The following ITPR2 variants were observed in gnomAD, a reference collection of about 807,000 sequenced individuals.
ITPR2 encodes inositol 1,4,5-trisphosphate-gated calcium channel ITPR2.
ITPR2 carries 207 observed loss-of-function variants against 317.1 expected under a neutral mutation model. That is an observed-to-expected ratio of 0.65 (90% CI 0.58 to 0.73). The LOEUF is 0.73. Ranked by LOEUF, ITPR2 falls within the 30% of genes least tolerant of loss-of-function variation. ITPR2 has a pLI of 0.00. For synonymous variants in ITPR2, 1,156 were observed against 1,149.1 expected (o/e 1.01, Z -0.12); for missense variants, 2,613 against 3,284.0 (o/e 0.80, Z 4.99).
chr12:26,340,376 G>A (rs1938068854), intron 55 of ITPR2, 48 bp from the exon 56 acceptor site: 1 of 1,524,746 alleles, frequency 6.6e-7, no homozygotes, highest in Admixed American at 2.0e-5. Context: ...TATGGAAGGG[G>A]AGAATGTCTA....
chr12:26,352,022 C>T (rs1215472542), intron 55 of ITPR2, among the ~76,000 whole-genome samples: 1 of 152,082 alleles, frequency 6.6e-6, no homozygotes, highest in Non-Finnish European at 1.5e-5. Flanking sequence ...AGGGGGCATT[C>T]GTCCAATGTG....
At chr12:26,502,513 T>C (rs1943092471) in intron 37 of ITPR2, among the ~76,000 whole-genome samples, 1 of 152,202 alleles carries the variant, frequency 6.6e-6, no homozygotes, top group African/African-American at 2.4e-5. Context: ...TGGTACACAG[T>C]ATAAAAACCT....
At chr12:26,638,722 A>C (rs1443041587) in intron 21 of ITPR2, among the ~76,000 whole-genome samples, 2 of 152,214 alleles carry the variant, frequency 1.3e-5, no homozygotes, top group Non-Finnish European at 2.9e-5. Flanking sequence ...ATGTTTCTCA[A>C]ATGCAAAGAT....
At position 26,655,854 on chromosome 12, in the gene ITPR2, TG is replaced by T. The variant is rs772582254; in HGVS notation, c.2445-3del. 1 of 1,604,748 alleles carries T rather than the reference TG, an allele frequency of 6.2e-7. No homozygotes were observed. The highest frequency in any genetic ancestry group is 1.3e-5 in the African/African-American group (1 of 74,532). On this transcript the variant is annotated splice_region_variant and splice_polypyrimidine_tract_variant and intron_variant, in intron 19 of 56. Transcript: ENST00000381340. ...GAAGAGTCTGTTATAGAATCATATC[TG>T]GAAATAGAGAAAGAAGATAACGCAA...
chr12:26,802,065 T>C (rs1211808243), intron 1 of ITPR2, among the ~76,000 whole-genome samples: 1 of 151,970 alleles, frequency 6.6e-6, no homozygotes, highest in African/African-American at 2.4e-5. Flanking sequence ...TTTGGGAAGG[T>C]GAGGTGAGAG....
chr12:26,772,681 G>A lies in ITPR2; in HGVS notation c.163+17476C>T, dbSNP rs535989902. On this transcript the variant is annotated intron_variant, in intron 2 of 56. Coordinates refer to ENST00000381340, the MANE Select transcript of ITPR2 (RefSeq NM_002223.4). ...CATACACTGAATTGCACATGGTACC[G>A]TATGTGCACATGGTGTATATTCGAT... Among the ~76,000 whole-genome samples the A allele has an allele frequency of 1.2e-3, 177 of 150,160 alleles. 2 individuals carry two copies. Among genetic ancestry groups the A allele is most frequent in the African/African-American group, 4.0e-3 (162 of 40,922 alleles).
At chr12:26,464,971 T>C (rs1303779002) in intron 45 of ITPR2, among the ~76,000 whole-genome samples, 2 of 152,158 alleles carry the variant, frequency 1.3e-5, no homozygotes, top group East Asian at 1.9e-4. Context: ...CAAATGCAGA[T>C]CCTGAGCAAG....
rs1385123444 is a variant in ITPR2, at chr12:26,389,936, A to G, written c.7697-2342T>C. 4.6e-5 allele frequency among the ~76,000 whole-genome samples: 7 copies of G among 152,226 alleles called. No homozygotes were observed. In the East Asian group the frequency reaches 1.3e-3, roughly 29 times the overall value. On this transcript the variant is annotated intron_variant, in intron 54 of 56. Coordinates refer to ENST00000381340, the MANE Select transcript of ITPR2 (RefSeq NM_002223.4). The stretch of plus-strand genomic sequence containing the variant: ...TGTGTTTGTCCTCCCACTAGAGTAT[A>G]AGAGCCACCTGGGCAGATATATTTC...
At chr12:26,406,306 G>A (rs1940346663) in intron 52 of ITPR2, among the ~76,000 whole-genome samples, 1 of 151,400 alleles carries the variant, frequency 6.6e-6, no homozygotes, top group Non-Finnish European at 1.5e-5. Context: ...ACATTCGAAT[G>A]ATTTTTACTT....
Position 26,495,264 on chromosome 12 carries a change from A to G in ITPR2, c.5074-4T>C. 1 of 1,422,320 alleles carries G rather than the reference A, an allele frequency of 7.0e-7. No individual in the cohort carries two copies. The allele number at this position is 1,422,320 out of a possible 1,614,324, so 88.1% of individuals were successfully genotyped here. A position where few individuals can be genotyped will look rare whatever the true frequency, so the allele number is the denominator to read the frequency against. ...GTATCTTTCTTAATGTGTTACCCTAATAAGAAGGATAACAAAGAGTTACTG... is the reference window on the plus strand; with the variant it reads ...GTATCTTTCTTAATGTGTTACCCTAGTAAGAAGGATAACAAAGAGTTACTG... On this transcript the variant is annotated splice_polypyrimidine_tract_variant and splice_region_variant and intron_variant, in intron 37 of 56. Transcript: ENST00000381340.
intron 15 of ITPR2, among the ~76,000 whole-genome samples, chr12:26,662,084 C>T (rs902634675): frequency 1.3e-5 from 2 of 152,054 alleles, no homozygotes; most frequent in African/African-American, 4.8e-5. Context: ...TATTCCTTGC[C>T]ATATTATTTA....
At chr12:26,816,955 G>A (rs541945262) in intron 1 of ITPR2, among the ~76,000 whole-genome samples, 13 of 151,966 alleles carry the variant, frequency 8.6e-5, no homozygotes, top group South Asian at 6.3e-4. Context: ...CAAGGTGGGC[G>A]GATCACGAGG....
chr12:26,516,282 G>GA lies in ITPR2; in HGVS notation c.5074-21023dup, dbSNP rs1326010392. Among the ~76,000 whole-genome samples the GA allele has an allele frequency of 1.8e-3, 180 of 97,418 alleles. 3 individuals are homozygous for GA. The highest frequency in any genetic ancestry group is 4.5e-3 in the African/African-American group (102 of 22,702). The allele number at this position is 97,418 out of a possible 152,430, so 63.9% of individuals were successfully genotyped here. A position where few individuals can be genotyped will look rare whatever the true frequency, so the allele number is the denominator to read the frequency against. On this transcript the variant is annotated intron_variant, in intron 37 of 56. Coordinates refer to ENST00000381340, the MANE Select transcript of ITPR2 (RefSeq NM_002223.4). ...GAAAGGAAAGGAAAGGAAGGGAAGG[G>GA]AAGGGAAAGGAAAGGAAAGGAAAGG...
At chr12:26,357,323 C>T (rs1008634854) in intron 55 of ITPR2, among the ~76,000 whole-genome samples, 1 of 151,986 alleles carries the variant, frequency 6.6e-6, no homozygotes, top group African/African-American at 2.4e-5. Flanking sequence ...TAATGAAGCC[C>T]TAAAAAAACC....
intron 32 of ITPR2, among the ~76,000 whole-genome samples, chr12:26,594,547 C>A (rs992114592): frequency 2.6e-5 from 4 of 152,042 alleles, no homozygotes; most frequent in Admixed American, 2.6e-4. Context: ...AAGGCCTATA[C>A]AAAGCTACTA....
At chr12:26,771,407 G>A (rs1949841166) in intron 2 of ITPR2, among the ~76,000 whole-genome samples, 1 of 152,174 alleles carries the variant, frequency 6.6e-6, no homozygotes, top group Non-Finnish European at 1.5e-5. Flanking sequence ...CTGCCAAGAT[G>A]GTCCCGGACC....
chr12:26,617,105 T>C (rs1946389218), intron 26 of ITPR2, among the ~76,000 whole-genome samples: 1 of 152,162 alleles, frequency 6.6e-6, no homozygotes, highest in Admixed American at 6.5e-5. Flanking sequence ...AAACAAATTT[T>C]CAACTGTGCG....
At chr12:26,730,930 A>G (rs1949017020) in intron 2 of ITPR2, among the ~76,000 whole-genome samples, 1 of 152,218 alleles carries the variant, frequency 6.6e-6, no homozygotes, top group Non-Finnish European at 1.5e-5. Context: ...AAATCAGTCT[A>G]AACCTCCACT....
rs111807534 is a variant in ITPR2, at chr12:26,805,068, A to G, written c.93-14841T>C. On this transcript the variant is annotated intron_variant, in intron 1 of 56. Transcript: ENST00000381340. ...CTAATTCTAATCCCTAATCCTTCAGACAGTGATCATGACCACAAATAAAAA... is the reference window on the plus strand; with the variant it reads ...CTAATTCTAATCCCTAATCCTTCAGGCAGTGATCATGACCACAAATAAAAA... Among the ~76,000 whole-genome samples, 538 of 152,270 alleles carry G rather than the reference A, an allele frequency of 3.5e-3. 3 individuals carry two copies. The highest frequency in any genetic ancestry group is 0.012 in the African/African-American group (515 of 41,554).
Sources: gnomAD v4.1 joint callset for allele counts (sites outside exome capture counted in the v4.1 genomes callset) on GRCh38, gnomAD v4.1.1 for gene constraint, MANE v1.5 for transcripts, NCBI Gene and HGNC (gene_info 2026-07-23, HGNC 2026-07-21) for gene names.